The following ABCC4 variants were observed in gnomAD, a reference collection of about 807,000 sequenced individuals.
ABCC4 encodes the protein ATP-binding cassette sub-family C member 4.
A neutral mutation model predicts 168.5 loss-of-function variants in ABCC4; 102 were observed. That is an observed-to-expected ratio of 0.61 (90% CI 0.52 to 0.71). The LOEUF is 0.71. Among genes scored for constraint, ABCC4 ranks in the 30% least tolerant of loss-of-function variants. ABCC4 has a pLI of 0.00. For missense variants in ABCC4, 1,402 were observed against 1,605.8 expected (o/e 0.87, Z 2.17); for synonymous variants, 617 against 590.7 (o/e 1.04, Z -0.65).
intron 23 of ABCC4, among the ~76,000 whole-genome samples, chr13:95,073,701 T>C (rs2033807044): frequency 6.6e-6 from 1 of 152,180 alleles, no homozygotes; most frequent in South Asian, 2.1e-4. Context: ...CCAATGCTTT[T>C]GAGACTAAAA....
chr13:95,188,580 A>C (rs1243553568), intron 9 of ABCC4, 38 bp from the exon 10 acceptor site: 8 of 1,507,590 alleles, frequency 5.3e-6, no homozygotes, highest in Non-Finnish European at 7.3e-6. Context: ...CCATTTCAAT[A>C]AAGTCACACA....
chr13:95,127,084 G>A (rs2035807823), intron 19 of ABCC4, among the ~76,000 whole-genome samples: 1 of 151,696 alleles, frequency 6.6e-6, no homozygotes, highest in African/African-American at 2.4e-5. Flanking sequence ...TAGGGGGAAT[G>A]TTCACCTATC....
chr13:95,286,749 G>C (rs148051652), intron 1 of ABCC4, among the ~76,000 whole-genome samples: 1 of 151,586 alleles, frequency 6.6e-6, no homozygotes. Context: ...CTGAGGTCAG[G>C]AGTTCGAGAC....
intron 1 of ABCC4, among the ~76,000 whole-genome samples, chr13:95,250,625 G>A (rs2138817119): frequency 6.6e-6 from 1 of 152,104 alleles, no homozygotes; most frequent in East Asian, 1.9e-4. Flanking sequence ...ACAACCCCCA[G>A]CATCATTTCC....
At chr13:95,082,535 T>C (rs1419209656) in intron 21 of ABCC4, among the ~76,000 whole-genome samples, 6 of 152,164 alleles carry the variant, frequency 3.9e-5, no homozygotes, top group Admixed American at 6.5e-5. Flanking sequence ...ACTGTGACAT[T>C]AGAACAAGCA....
At chr13:95,289,561 G>A (rs569583554) in intron 1 of ABCC4, among the ~76,000 whole-genome samples, 80 of 152,260 alleles carry the variant, frequency 5.3e-4, no homozygotes, top group Admixed American at 1.6e-3. Context: ...TCCCTGGCAC[G>A]GAGCAATCCC....
At position 95,151,477 on chromosome 13, in the gene ABCC4, G is replaced by GAAAA. The variant is rs1263337005; in HGVS notation, c.2455+9708_2455+9711dup. Among the ~76,000 whole-genome samples the GAAAA allele has an allele frequency of 1.8e-4, 15 of 81,788 alleles. No homozygotes were observed. The South Asian group carries it at 2.2e-3, about 12-fold the overall frequency. 53.7% of individuals were successfully genotyped at this position (81,788 alleles called of 152,430 possible). On this transcript the variant is annotated intron_variant, in intron 19 of 30. Transcript: ENST00000645237. ...GCAACAGACCAAGACTCTGTCTCAA[G>GAAAA]AAAAAAAAAAAAAAAGAAGAAGAAG...
chr13:95,036,532 G>A (rs2032128306), intron 29 of ABCC4, among the ~76,000 whole-genome samples: 1 of 151,372 alleles, frequency 6.6e-6, no homozygotes, highest in Non-Finnish European at 1.5e-5. Flanking sequence ...AAAAAATAAT[G>A]TTCTCAAAAA....
chr13:95,028,402 T>C (rs1424332247), intron 30 of ABCC4, among the ~76,000 whole-genome samples: 3 of 152,054 alleles, frequency 2.0e-5, no homozygotes, highest in Admixed American at 6.6e-5. Context: ...AGAAAGGATA[T>C]GGATGACATG....
intron 14 of ABCC4, among the ~76,000 whole-genome samples, chr13:95,169,473 C>T (rs1750999): frequency 0.092 from 13,978 of 152,148 alleles, 719 homozygotes; most frequent in Middle Eastern, 0.15. Flanking sequence ...TTTCTCCAGG[C>T]TCTCCCTGGC....
At position 95,188,519 on chromosome 13, in the gene ABCC4, T is replaced by G; in HGVS notation, c.1287A>C (p.Gln429His). 6.2e-7 allele frequency: 1 copy of G among 1,613,544 alleles called. No homozygotes were observed. The highest frequency in any genetic ancestry group is 8.5e-7 in the Non-Finnish European group (1 of 1,179,508). ...CAGGTCTGACAGTAAAGGAAAGGCCTTGTAGAGTTGGGGTCTCTGATGCCT... is the reference window on the plus strand; with the variant it reads ...CAGGTCTGACAGTAAAGGAAAGGCCGTGTAGAGTTGGGGTCTCTGATGCCT... ...WDKASETPTLQGLSFTVRPGE... is the reference protein window; with the variant it reads ...WDKASETPTLHGLSFTVRPGE... Residue 429 changes from glutamine (Q) to histidine (H), a missense_variant, in exon 10 of 31, where the codon CAA becomes CAC. Gln to His is a conservative substitution (Grantham distance 24). This residue lies in a region of ABCC4 where 1,007 missense variants were observed against 1,127.3 expected (regional missense o/e 0.89). Coordinates refer to ENST00000645237, the MANE Select transcript of ABCC4 (RefSeq NM_005845.5).
At chr13:95,262,104 G>T (rs1052266872) in intron 1 of ABCC4, among the ~76,000 whole-genome samples, 2 of 152,172 alleles carry the variant, frequency 1.3e-5, no homozygotes, top group African/African-American at 4.8e-5. Flanking sequence ...CAACATGCCT[G>T]GGGGGCAGCT....
intron 3 of ABCC4, among the ~76,000 whole-genome samples, chr13:95,246,037 C>T (rs1471820100): frequency 6.6e-6 from 1 of 152,092 alleles, no homozygotes; most frequent in Admixed American, 6.5e-5. Context: ...CCCAGCAGGA[C>T]CCTCTGCATC....
chr13:95,224,165 T>C (rs2039386761), intron 4 of ABCC4, among the ~76,000 whole-genome samples: 1 of 136,202 alleles, frequency 7.3e-6, no homozygotes, highest in South Asian at 2.5e-4. Context: ...TTATCAATCC[T>C]CTAAAAAATC....
At chr13:95,169,019 A>G (rs1415904860) in intron 14 of ABCC4, among the ~76,000 whole-genome samples, 1 of 152,176 alleles carries the variant, frequency 6.6e-6, no homozygotes, top group Admixed American at 6.5e-5. Flanking sequence ...AGACACAGCG[A>G]CAATGCCATG....
In ABCC4 at chr13:95,164,399, A is replaced by G. The variant is rs776472602; in HGVS notation, c.2154T>C (p.Ile718=). The change falls in exon 16 of 31, where the codon ATT becomes ATC. Residue 718 remains isoleucine, a synonymous_variant. Coordinates refer to ENST00000645237, the MANE Select transcript of ABCC4 (RefSeq NM_005845.5). The stretch of plus-strand genomic sequence containing the variant: ...TTACCTGAGCTGCAGTGTTTAGGAG[A>G]ATAAGGAAAATGAAGACAATCCAGT... ...GAHWIVFIFL[I]LLNTAAQVAY... 2 of 1,614,174 alleles carry G rather than the reference A, an allele frequency of 1.2e-6. No individual in the cohort carries two copies. Among genetic ancestry groups the G allele is most frequent in the South Asian group, 2.2e-5 (2 of 91,076 alleles).
intron 1 of ABCC4, among the ~76,000 whole-genome samples, chr13:95,279,073 T>C (rs1004073121): frequency 9.9e-5 from 15 of 152,014 alleles, no homozygotes; most frequent in Non-Finnish European, 2.9e-5. Flanking sequence ...TTTAACCAAA[T>C]GCTAAAATGC....
chr13:95,103,672 C>T (rs905323583), intron 20 of ABCC4, among the ~76,000 whole-genome samples: 6 of 152,162 alleles, frequency 3.9e-5, no homozygotes, highest in African/African-American at 1.4e-4. Context: ...TAAAGAGAAA[C>T]TTGTCCAAAC....
intron 1 of ABCC4, among the ~76,000 whole-genome samples, chr13:95,275,119 A>C (rs930412668): frequency 5.3e-5 from 8 of 152,214 alleles, no homozygotes; most frequent in Non-Finnish European, 1.0e-4. Flanking sequence ...TTTTTAACAT[A>C]TAAACCTCCA....
Sources: gnomAD v4.1 joint callset for allele counts (sites outside exome capture counted in the v4.1 genomes callset) on GRCh38, gnomAD v4.1.1 for gene constraint, gnomAD v4.1.1 regional missense constraint, MANE v1.5 for transcripts, NCBI Gene and HGNC (gene_info 2026-07-23, HGNC 2026-07-21) for gene names.